The following PCDH15 variants were observed in gnomAD, a reference collection of about 807,000 sequenced individuals.
PCDH15 encodes protocadherin related 15.
Under a neutral mutation model 178.5 loss-of-function variants are expected in PCDH15, and 129 were observed. The ratio of observed to expected loss-of-function variants is 0.72; its 90% CI spans 0.63 to 0.84. The LOEUF is 0.84. Among genes scored for constraint, PCDH15 ranks in the 40% least tolerant of loss-of-function variants. The pLI, the probability that PCDH15 is intolerant of heterozygous loss-of-function variation, is 0.00. For missense variants in PCDH15, 2,230 were observed against 2,099.9 expected (o/e 1.06, Z -1.21); for synonymous variants, 800 against 732.0 (o/e 1.09, Z -1.50).
intron 2 of PCDH15, among the ~76,000 whole-genome samples, chr10:54,963,062 C>A (rs1037198516): frequency 6.6e-6 from 1 of 152,160 alleles, no homozygotes; most frequent in Non-Finnish European, 1.5e-5. Flanking sequence ...TAAATCTCTA[C>A]GTAGAAGGTT....
intron 14 of PCDH15, among the ~76,000 whole-genome samples, chr10:54,133,682 T>C (rs1297818614): frequency 6.6e-6 from 1 of 152,188 alleles, no homozygotes; most frequent in Non-Finnish European, 1.5e-5. Flanking sequence ...AAATTAGCAT[T>C]GACATAGTCA....
intron 18 of PCDH15, among the ~76,000 whole-genome samples, chr10:54,028,862 G>A (rs1036721502): frequency 3.4e-5 from 5 of 147,866 alleles, no homozygotes; most frequent in African/African-American, 5.0e-5. Flanking sequence ...TGGGTGCAGC[G>A]CACCAGCATG....
chr10:54,036,482 A>T (rs577100889), intron 18 of PCDH15, among the ~76,000 whole-genome samples: 6 of 90,670 alleles, frequency 6.6e-5, no homozygotes, highest in South Asian at 2.7e-4. Context: ...AAATGGAATA[A>T]CAATGCCTAA....
At chr10:53,825,142 C>G in intron 32 of PCDH15, 1 of 1,541,124 alleles carries the variant, frequency 6.5e-7, no homozygotes. Flanking sequence ...TTACTTATGC[C>G]TATGTATCCA....
chr10:53,993,528 C>T (rs2091657652), intron 21 of PCDH15, among the ~76,000 whole-genome samples: 2 of 152,132 alleles, frequency 1.3e-5, no homozygotes, highest in African/African-American at 4.8e-5. Flanking sequence ...GAAATTGAAA[C>T]TATTTTCTTC....
chr10:54,378,312 T>A (rs1056821982), intron 4 of PCDH15, among the ~76,000 whole-genome samples: 1 of 152,092 alleles, frequency 6.6e-6, no homozygotes, highest in African/African-American at 2.4e-5. Context: ...TTTTCTCATT[T>A]TTTTTTTCTT....
At chr10:55,260,878 C>T (rs576994647) in intron 1 of PCDH15, among the ~76,000 whole-genome samples, 3 of 152,156 alleles carry the variant, frequency 2.0e-5, no homozygotes, top group South Asian at 2.1e-4. Flanking sequence ...TCTTTGATCT[C>T]GGTTGGAATT....
intron 2 of PCDH15, among the ~76,000 whole-genome samples, chr10:55,065,865 T>C (rs1841550938): frequency 6.6e-6 from 1 of 151,976 alleles, no homozygotes; most frequent in Non-Finnish European, 1.5e-5. Flanking sequence ...TGCTATTTCA[T>C]ACCGACTAAG....
intron 37 of PCDH15, chr10:53,808,824 ACTACCTGATTCTG>A (rs1564510779): frequency 2.5e-6 from 4 of 1,611,202 alleles, no homozygotes; most frequent in Non-Finnish European, 3.4e-6. Flanking sequence ...TACTGCTACT[ACTACCTGATTCTG>A]ATTCCTCCTC....
Position 54,899,931 on chromosome 10 carries a change from C to CT in PCDH15, c.-79-2432dup, listed in dbSNP as rs1426864841. Among the ~76,000 whole-genome samples, 18 of 70,246 alleles carry CT rather than the reference C, an allele frequency of 2.6e-4. No homozygotes were observed. In the South Asian group the frequency reaches 3.3e-3, roughly 13 times the overall value. 46.1% of individuals were successfully genotyped at this position (70,246 alleles called of 152,430 possible). On this transcript the variant is annotated intron_variant, in intron 2 of 5. Coordinates refer to the PCDH15 transcript ENST00000458638. The stretch of plus-strand genomic sequence containing the variant: ...TGCTGTGCATTCCAATAATAAAGTG[C>CT]TTTAAAAAAAAAGACATTTAATCAA...
chr10:55,144,705 G>A (rs770717185), intron 2 of PCDH15, among the ~76,000 whole-genome samples: 1 of 152,076 alleles, frequency 6.6e-6, no homozygotes, highest in African/African-American at 2.4e-5. Flanking sequence ...AACATGGTAT[G>A]ATCCAAATCT....
chr10:54,446,992 C>T (rs1456776230), intron 3 of PCDH15, among the ~76,000 whole-genome samples: 1 of 151,616 alleles, frequency 6.6e-6, no homozygotes, highest in African/African-American at 2.4e-5. Flanking sequence ...ACAAACTTCC[C>T]CATTGGTTCC....
chr10:55,309,388 G>A (rs1257124817), intron 1 of PCDH15, among the ~76,000 whole-genome samples: 1 of 151,980 alleles, frequency 6.6e-6, no homozygotes, highest in African/African-American at 2.4e-5. Flanking sequence ...GTGGTGGCAT[G>A]TGCTTGTATT....
intron 8 of PCDH15, among the ~76,000 whole-genome samples, chr10:54,259,959 T>C (rs2132270201): frequency 6.6e-6 from 1 of 152,278 alleles, no homozygotes; most frequent in Non-Finnish European, 1.5e-5. Flanking sequence ...ATTTTAGGGA[T>C]TAAGATAGAT....
At chr10:54,189,600 A>C (rs1333116747) in intron 11 of PCDH15, among the ~76,000 whole-genome samples, 4 of 152,192 alleles carry the variant, frequency 2.6e-5, no homozygotes, top group Non-Finnish European at 2.9e-5. Flanking sequence ...TGAATTAAAT[A>C]TCAAAGATAC....
intron 17 of PCDH15, among the ~76,000 whole-genome samples, chr10:54,073,595 A>G (rs1336066401): frequency 6.6e-6 from 1 of 152,188 alleles, no homozygotes; most frequent in Non-Finnish European, 1.5e-5. Context: ...TCTTCTAGCA[A>G]TCTGAAATTG....
At chr10:54,504,082 A>G (rs1337086233) in intron 3 of PCDH15, among the ~76,000 whole-genome samples, 1 of 152,106 alleles carries the variant, frequency 6.6e-6, no homozygotes, top group Non-Finnish European at 1.5e-5. Context: ...GTTGTCTTCT[A>G]ATCTTAAAAT....
intron 2 of PCDH15, among the ~76,000 whole-genome samples, chr10:55,528,167 G>C (rs1841346739): frequency 6.6e-6 from 1 of 152,028 alleles, no homozygotes; most frequent in African/African-American, 2.4e-5. Context: ...CTCTGGAGTG[G>C]CTGGGACTAC....
intron 26 of PCDH15, among the ~76,000 whole-genome samples, chr10:53,899,076 C>G (rs1341851664): frequency 6.7e-6 from 1 of 148,964 alleles, no homozygotes; most frequent in Non-Finnish European, 1.5e-5. Flanking sequence ...TGAACTGAAA[C>G]TAAATTAGGT....
Sources: gnomAD v4.1 joint callset for allele counts (sites outside exome capture counted in the v4.1 genomes callset) on GRCh38, gnomAD v4.1.1 for gene constraint, MANE v1.5 for transcripts, NCBI Gene and HGNC (gene_info 2026-07-23, HGNC 2026-07-21) for gene names.